APC: variants seen among roughly 807,000 people sequenced by gnomAD.
APC encodes the protein adenomatous polyposis coli protein.
In APC, 72 loss-of-function variants were observed where a neutral mutation model predicts 247.0. That is an observed-to-expected ratio of 0.29 (90% CI 0.24 to 0.35). APC has a LOEUF of 0.35. APC is among the 10% of genes least tolerant of loss of function. The probability of loss-of-function intolerance (pLI) is 1.00; values close to 1 mark genes in which losing one functional copy is unlikely to be tolerated. For missense variants in APC, 3,400 were observed against 3,360.7 expected (o/e 1.01, Z -0.29); for synonymous variants, 1,254 against 1,162.5 (o/e 1.08, Z -1.60).
chr5:112,726,828 T>C (rs1486201083), intron 1 of APC, among the ~76,000 whole-genome samples: 2 of 152,130 alleles, frequency 1.3e-5, no homozygotes, highest in African/African-American at 4.8e-5. Context: ...GGAGGGAAAG[T>C]TTAAAAAGAC....
At chr5:112,836,319 C>T (rs1331521034) in intron 15 of APC, among the ~76,000 whole-genome samples, 1 of 152,116 alleles carries the variant, frequency 6.6e-6, no homozygotes, top group Non-Finnish European at 1.5e-5. Flanking sequence ...GCATGGGCTA[C>T]TGCGCCTAGC....
rs774847322 is a variant in APC at position 112,839,057 on chromosome 5, G to A, written c.3463G>A (p.Glu1155Lys). ...ERYSEEEQHEEEERPTNYSIK... is the reference protein window; with the variant it reads ...ERYSEEEQHEKEERPTNYSIK... ...TTACTCTGAAGAAGAACAGCATGAA[G>A]AAGAAGAGAGACCAACAAATTATAG... The change falls in exon 16 of 16, where the codon GAA becomes AAA. Residue 1155 changes from glutamate (E) to lysine (K), a missense_variant. Glu to Lys is a moderately conservative substitution (Grantham distance 56). Coordinates refer to ENST00000257430, the MANE Select transcript of APC (RefSeq NM_000038.6). The surrounding 1 kb of genome is among the most constrained non-coding windows in gnomAD (Gnocchi z 5.0). 16 of 1,612,790 alleles carry A rather than the reference G, an allele frequency of 9.9e-6. No homozygotes were observed. Among genetic ancestry groups the A allele is most frequent in the Non-Finnish European group, 1.3e-5 (15 of 1,180,014 alleles).
chr5:112,798,466 T>TA (rs1294045686), intron 7 of APC, among the ~76,000 whole-genome samples: 1 of 152,248 alleles, frequency 6.6e-6, no homozygotes, highest in Non-Finnish European at 1.5e-5. Context: ...GAAAATGTTC[T>TA]AAAACTGGAT....
intron 2 of APC, among the ~76,000 whole-genome samples, chr5:112,763,196 A>C (rs1755858841): frequency 6.6e-6 from 1 of 152,118 alleles, no homozygotes; most frequent in African/African-American, 2.4e-5. Flanking sequence ...TATATTCACT[A>C]TTTTATTAAA....
Position 112,837,431 on chromosome 5 carries a change from T to C in APC, c.1959-122T>C, listed in dbSNP as rs1235928378. The stretch of plus-strand genomic sequence containing the variant: ...AATTAGAACAAAAGGAGATGTGGAA[T>C]ACTTGGAATTTATAGGATAATTGGT... On this transcript the variant is annotated intron_variant, in intron 15 of 15. Transcript: ENST00000257430. 4 of 691,350 alleles carry C rather than the reference T, an allele frequency of 5.8e-6. No homozygotes were observed. The African/African-American group carries it at 7.2e-5, about 12-fold the overall frequency. The allele number at this position is 691,350 out of a possible 1,614,324, so 42.8% of individuals were successfully genotyped here.
intron 6 of APC, chr5:112,783,896 A>G (rs111933129): frequency 0.043 from 11,167 of 261,326 alleles, 311 homozygotes; most frequent in Middle Eastern, 0.087. Context: ...CTAATAAACA[A>G]TTGTGAAAAG....
rs147852662 is a variant in APC at position 112,739,072 on chromosome 5, A to G, written c.-19+1147A>G. ...TTAAGACCTATAGTTAAGTAATTTT[A>G]TATTTCTCTTTGGTTGCTTTTAGAT... On this transcript the variant is annotated intron_variant, in intron 1 of 15. Transcript: ENST00000257430. Among the ~76,000 whole-genome samples, 26 of 152,328 alleles carry G rather than the reference A, an allele frequency of 1.7e-4. No homozygotes were observed. In the East Asian group the frequency reaches 3.8e-3, roughly 23 times the overall value.
chr5:112,747,459 A>C (rs1481027348), intron 1 of APC, among the ~76,000 whole-genome samples: 1 of 152,216 alleles, frequency 6.6e-6, no homozygotes, highest in East Asian at 1.9e-4. Flanking sequence ...TACTACTTTC[A>C]GTTATCCATA....
intron 1 of APC, among the ~76,000 whole-genome samples, chr5:112,717,390 T>C (rs181561203): frequency 6.6e-6 from 1 of 152,352 alleles, no homozygotes; most frequent in Non-Finnish European, 1.5e-5. Flanking sequence ...AATATTTTAT[T>C]TAAGTTAATG....
At position 112,821,310 on chromosome 5, in the gene APC, A is replaced by G. The variant is rs1310258966; in HGVS notation, c.1313-586A>G. On this transcript the variant is annotated intron_variant, in intron 10 of 15. Coordinates refer to ENST00000257430, the MANE Select transcript of APC (RefSeq NM_000038.6). ...CACTTGAGGCCAGGAGTTTGAGACT[A>G]CCCTGGGCAACATAGCAAGACCCTA... Among the ~76,000 whole-genome samples the G allele has an allele frequency of 5.3e-5, 8 of 152,048 alleles. No homozygotes were observed. The East Asian group carries it at 1.5e-3, about 29-fold the overall frequency.
At chr5:112,711,199 G>A (rs775208713) in intron 1 of APC, among the ~76,000 whole-genome samples, 1 of 152,220 alleles carries the variant, frequency 6.6e-6, no homozygotes, top group Non-Finnish European at 1.5e-5. Flanking sequence ...ATCAGTGGCG[G>A]CATTAGATTC....
intron 4 of APC, among the ~76,000 whole-genome samples, chr5:112,768,852 A>G (rs907815810): frequency 1.3e-5 from 2 of 151,938 alleles, no homozygotes; most frequent in African/African-American, 4.8e-5. Flanking sequence ...AGTAGCGTAG[A>G]ACACAGTCTT....
chr5:112,829,054 C>G lies in APC; in HGVS notation c.1743+82C>G. The stretch of plus-strand genomic sequence containing the variant: ...CTGCCTTCTTTTAGCCATGAGATTT[C>G]CTAATTTCTTACCTGTGTATTATTC... On this transcript the variant is annotated intron_variant, in intron 14 of 15. Transcript: ENST00000257430. 8 of 958,744 alleles carry G rather than the reference C, an allele frequency of 8.3e-6. 1 individual carries two copies. Among genetic ancestry groups the G allele is most frequent in the South Asian group, 2.6e-5 (2 of 76,990 alleles). 59.4% of individuals were successfully genotyped at this position (958,744 alleles called of 1,614,324 possible).
rs2149935019 is a variant in APC, at chr5:112,840,814, T to A, written c.5220T>A (p.Pro1740=). The part of the protein sequence containing the change: ...SAMPKGKSHK[P]FRVKKIMDQV... Reference sequence around the variant, plus strand: ...TGCCCAAAGGGAAAAGTCACAAGCCTTTCCGTGTGAAAAAGATAATGGACC... The same window carrying A: ...TGCCCAAAGGGAAAAGTCACAAGCCATTCCGTGTGAAAAAGATAATGGACC... Residue 1740 remains proline (P), a synonymous_variant, in exon 16 of 16, where the codon CCT becomes CCA. Transcript: ENST00000257430. This position sits in a 1 kb window ranked among gnomAD's most constrained non-coding sequence, Gnocchi z 4.1. The A allele has an allele frequency of 6.2e-7, 1 of 1,614,138 alleles. No individual in the cohort carries two copies. The highest frequency in any genetic ancestry group is 8.5e-7 in the Non-Finnish European group (1 of 1,179,992).
intron 15 of APC, among the ~76,000 whole-genome samples, chr5:112,836,171 C>T (rs897169917): frequency 1.1e-4 from 8 of 70,988 alleles, no homozygotes; most frequent in African/African-American, 2.6e-4. Flanking sequence ...CAGGTCCCCC[C>T]CCCCCCCCGC....
intron 1 of APC, among the ~76,000 whole-genome samples, chr5:112,750,293 G>A (rs1230864332): frequency 6.6e-6 from 1 of 152,018 alleles, no homozygotes; most frequent in Non-Finnish European, 1.5e-5. Flanking sequence ...TCTTCAAAGG[G>A]TATGTAATAA....
At chr5:112,812,911 GTCTT>G (rs1419356396) in intron 8 of APC, among the ~76,000 whole-genome samples, 1 of 152,156 alleles carries the variant, frequency 6.6e-6, no homozygotes, top group Non-Finnish European at 1.5e-5. Context: ...TGTAAGATGA[GTCTT>G]TCCTTGATGC....
At chr5:112,734,794 T>TG (rs796487631), upstream of APC, among the ~76,000 whole-genome samples, 19 of 53,252 alleles carry the variant, frequency 3.6e-4, no homozygotes, top group East Asian at 6.5e-3. Flanking sequence ...TGTGTGTGTG[T>TG]TTTTTTTTTT....
Position 112,759,804 on chromosome 5 carries a change from A to C in APC, c.135+4779A>C, listed in dbSNP as rs553746139. Among the ~76,000 whole-genome samples, 36 of 152,368 alleles carry C rather than the reference A, an allele frequency of 2.4e-4. No individual in the cohort carries two copies. The South Asian group carries it at 7.5e-3, about 32-fold the overall frequency. On this transcript the variant is annotated intron_variant, in intron 2 of 15. Coordinates refer to ENST00000257430, the MANE Select transcript of APC (RefSeq NM_000038.6). ...TCCTTCAAAATTACATATGTATTTA[A>C]AAGCTGCCACTTCTCAAAGAACTTT...
Sources: allele counts gnomAD v4.1 joint callset (sites outside exome capture counted in the v4.1 genomes callset), GRCh38; gene constraint gnomAD v4.1.1; non-coding constraint Gnocchi (gnomAD v3.1); transcripts MANE v1.5; gene names NCBI Gene and HGNC (gene_info 2026-07-23, HGNC 2026-07-21).